HHLA2: variants seen among roughly 807,000 people sequenced by gnomAD.
HHLA2 encodes the protein HHLA2 member of B7 family.
In HHLA2, 48 loss-of-function variants were observed where a neutral mutation model predicts 45.9. That is an observed-to-expected ratio of 1.05 (90% CI 0.83 to 1.33). The LOEUF is 1.33. HHLA2 is among the 40% of genes most tolerant of loss of function. The probability of loss-of-function intolerance (pLI) is 0.00; values close to 1 mark genes in which losing one functional copy is unlikely to be tolerated. For missense variants in HHLA2, 462 were observed against 494.3 expected, an observed-to-expected ratio of 0.93 and a Z score of 0.62; for synonymous variants, 161 against 173.9, an observed-to-expected ratio of 0.93 and a Z score of 0.59.
At chr3:108,373,141 G>A (rs1023102509) in intron 8 of HHLA2, among the ~76,000 whole-genome samples, 2 of 152,098 alleles carry the variant, frequency 1.3e-5, no homozygotes, top group Non-Finnish European at 2.9e-5. Context: ...ATGATCAAGT[G>A]GGCTTCATCC....
chr3:108,304,120 C>T (rs1490856044), intron 1 of HHLA2, among the ~76,000 whole-genome samples: 7 of 152,080 alleles, frequency 4.6e-5, no homozygotes. Flanking sequence ...TTCAATGTAT[C>T]ATTGTATAAG....
chr3:108,345,931 G>T (rs556748690), intron 3 of HHLA2, among the ~76,000 whole-genome samples: 1 of 152,292 alleles, frequency 6.6e-6, no homozygotes, highest in East Asian at 1.9e-4. Flanking sequence ...GTTTTGAGCT[G>T]CTGTGGTTCT....
chr3:108,353,247 A>G (rs1034879827), intron 4 of HHLA2, among the ~76,000 whole-genome samples, 180 bp from the exon 4 acceptor site: 1 of 152,222 alleles, frequency 6.6e-6, no homozygotes. Context: ...AATTAAAATT[A>G]AAACTCAAAC....
At chr3:108,364,355 G>A (rs1186317504) in intron 8 of HHLA2, among the ~76,000 whole-genome samples, 1 of 152,200 alleles carries the variant, frequency 6.6e-6, no homozygotes, top group African/African-American at 2.4e-5. Flanking sequence ...AGTATTCCAT[G>A]GTGTATATGT....
chr3:108,369,747 C>A (rs2082133807), intron 8 of HHLA2, among the ~76,000 whole-genome samples: 1 of 152,212 alleles, frequency 6.6e-6, no homozygotes, highest in South Asian at 2.1e-4. Context: ...AACTGCAAGG[C>A]AGCAGCGAGC....
chr3:108,375,905 A>G (rs980049753), intron 9 of HHLA2, 105 bp downstream of exon 8: 6 of 1,423,838 alleles, frequency 4.2e-6, no homozygotes, highest in African/African-American at 1.4e-5. Flanking sequence ...TAAAAAATAG[A>G]TATATTCCAT....
At chr3:108,321,958 C>G (rs974264316) in intron 2 of HHLA2, among the ~76,000 whole-genome samples, 6 of 152,022 alleles carry the variant, frequency 3.9e-5, no homozygotes, top group African/African-American at 1.4e-4. Context: ...ATGAATGTAA[C>G]TTTTTCTTAT....
exon 6 of HHLA2, chr3:108,355,291 C>A: frequency 6.2e-7 from 1 of 1,613,842 alleles, no homozygotes; most frequent in Non-Finnish European, 8.5e-7. Flanking sequence ...TAACAGCCCA[C>A]TGAATATTAC....
intron 7 of HHLA2, among the ~76,000 whole-genome samples, chr3:108,360,680 G>A (rs768977335): frequency 3.9e-5 from 6 of 152,142 alleles, no homozygotes; most frequent in Admixed American, 6.5e-5. Context: ...ATGCAGTGGC[G>A]TGACACGATA....
At chr3:108,349,252 C>T (rs1456683969) in intron 3 of HHLA2, among the ~76,000 whole-genome samples, 1 of 150,338 alleles carries the variant, frequency 6.7e-6, no homozygotes, top group Non-Finnish European at 1.5e-5. Flanking sequence ...ACTAGCCAGA[C>T]TAATAAAGAA....
chr3:108,375,617 C>T (rs1300120088), intron 8 of HHLA2, 133 bp from the exon 8 acceptor site: 7 of 1,078,924 alleles, frequency 6.5e-6, no homozygotes, highest in African/African-American at 1.6e-5. Context: ...AGGAGATAGA[C>T]ACACGAAAAA....
chr3:108,345,230 C>A (rs2107434838), intron 3 of HHLA2, among the ~76,000 whole-genome samples: 1 of 152,338 alleles, frequency 6.6e-6, no homozygotes, highest in South Asian at 2.1e-4. Flanking sequence ...CAGGATGTTT[C>A]TTGCCTTGAA....
Position 108,362,950 on chromosome 3 carries a change from CT to C in HHLA2, c.1108+505del, listed in dbSNP as rs374872743. Among the ~76,000 whole-genome samples, 38 of 152,184 alleles carry C rather than the reference CT, an allele frequency of 2.5e-4. No individual in the cohort carries two copies. In the South Asian group the frequency reaches 7.7e-3, roughly 31 times the overall value. ...GGAAGCCAGATACCTCCTTAAGCCC[CT>C]GGGCTCTGCCTGTTCTCCCTTGCTC... On this transcript the variant is annotated intron_variant, in intron 8 of 10. Coordinates refer to ENST00000619531, the Ensembl canonical transcript of HHLA2.
intron 3 of HHLA2, among the ~76,000 whole-genome samples, chr3:108,334,979 A>G (rs1213487635): frequency 6.6e-6 from 1 of 152,236 alleles, no homozygotes; most frequent in Non-Finnish European, 1.5e-5. Context: ...TCATTGGAGC[A>G]AATTAATGCA....
intron 8 of HHLA2, among the ~76,000 whole-genome samples, chr3:108,370,320 C>T (rs1298781291): frequency 1.3e-5 from 2 of 152,124 alleles, no homozygotes; most frequent in Non-Finnish European, 2.9e-5. Flanking sequence ...ACCAAAAACC[C>T]ATCTGTACGT....
chr3:108,325,552 G>T, intron 2 of HHLA2: 1 of 257,944 alleles, frequency 3.9e-6, no homozygotes, highest in Non-Finnish European at 7.6e-6. Flanking sequence ...TAGCCATCTT[G>T]GTTTTGTAGT....
chr3:108,318,953 G>A (rs1289775244), intron 2 of HHLA2, among the ~76,000 whole-genome samples: 7 of 152,074 alleles, frequency 4.6e-5, no homozygotes, highest in East Asian at 3.9e-4. Flanking sequence ...TCTCCACTTC[G>A]CAAATAGCTC....
intron 2 of HHLA2, among the ~76,000 whole-genome samples, chr3:108,327,608 A>G (rs2081308844): frequency 6.6e-6 from 1 of 151,968 alleles, no homozygotes; most frequent in Admixed American, 6.6e-5. Flanking sequence ...TGCTAATTTC[A>G]CTTATTTCCC....
intron 1 of HHLA2, among the ~76,000 whole-genome samples, chr3:108,300,241 C>G (rs2107276147): frequency 6.6e-6 from 1 of 152,226 alleles, no homozygotes; most frequent in Non-Finnish European, 1.5e-5. Flanking sequence ...GTCCTGTTCA[C>G]AGCATGAAGT....
Sources: allele counts gnomAD v4.1 joint callset (sites outside exome capture counted in the v4.1 genomes callset), GRCh38; gene constraint gnomAD v4.1.1; transcripts MANE v1.5; gene names NCBI Gene and HGNC (gene_info 2026-07-23, HGNC 2026-07-21).